TIMM17B: variants seen among roughly 807,000 people sequenced by gnomAD.
TIMM17B encodes mitochondrial import inner membrane translocase subunit Tim17-B.
In TIMM17B, 10 loss-of-function variants were observed where a neutral mutation model predicts 15.9. The ratio of observed to expected loss-of-function variants is 0.63; its 90% confidence interval spans 0.39 to 1.06. The LOEUF (loss-of-function observed/expected upper bound fraction) is 1.06, where lower values mean the gene tolerates loss of function less well. Ranked by LOEUF, TIMM17B falls within the 50% of genes least tolerant of loss-of-function variation. TIMM17B has a pLI of 0.01. For missense variants in TIMM17B, 114 were observed against 152.2 expected, an observed-to-expected ratio of 0.75 and a Z score of 1.32; for synonymous variants, 57 against 57.2, an observed-to-expected ratio of 1.00 and a Z score of 0.02.
exon 1 of TIMM17B, chrX:48,898,131 C>T (rs1212497295): frequency 8.9e-6 from 9 of 1,016,759 alleles, no homozygotes; most frequent in Non-Finnish European, 1.1e-5. Context: ...AAGTGCTGCC[C>T]TCTGCTCCCC....
intron 3 of TIMM17B, chrX:48,895,801 A>G (rs781783158): frequency 2.1e-4 from 49 of 231,279 alleles, no homozygotes; most frequent in Non-Finnish European, 3.4e-4. Flanking sequence ...CCGTCTGCCA[A>G]TTAAATTCCT....
Position 48,893,881 on chromosome X carries a change from C to G in TIMM17B, c.430+19G>C. 1 of 1,197,547 alleles carries G rather than the reference C, an allele frequency of 8.4e-7. No individual in the cohort carries two copies. The highest frequency in any genetic ancestry group is 1.1e-6 in the Non-Finnish European group (1 of 884,705). On this transcript the variant is annotated intron_variant, in intron 6 of 6. Coordinates refer to ENST00000376582, the Ensembl canonical transcript of TIMM17B. ...GCCAGGTGGAGTATTTCCCACTCCC[C>G]CGACCACCAGTTACTCACCATTTCG...
At chrX:48,897,627 T>G (rs1032430146) in intron 2 of TIMM17B, 97 bp downstream of exon 1, 1 of 696,576 alleles carries the variant, frequency 1.4e-6, no homozygotes. Flanking sequence ...CCGAGTCTGG[T>G]ACATGGCTCT....
intron 3 of TIMM17B, 179 bp downstream of exon 2, chrX:48,896,580 C>T (rs1408680649): frequency 9.2e-6 from 9 of 975,025 alleles, no homozygotes; most frequent in Middle Eastern, 4.1e-4. Context: ...AAGACAGAGG[C>T]CATGTTTGCA....
chrX:48,893,774 A>G, exon 7 of TIMM17B: 1 of 1,168,102 alleles, frequency 8.6e-7, no homozygotes, highest in African/African-American at 1.8e-5. Context: ...CCGGGGTGCC[A>G]TCCTTAGGGG....
At chrX:48,894,750 AC>A (rs1557039211) in intron 4 of TIMM17B, among the ~76,000 whole-genome samples, 1 of 111,687 alleles carries the variant, frequency 9.0e-6, no homozygotes, top group East Asian at 2.8e-4. Context: ...CTATAAAACT[AC>A]CGATGAAGTG....
At chrX:48,894,385 T>G (rs2063298129) in intron 4 of TIMM17B, among the ~76,000 whole-genome samples, 160 bp from the exon 4 acceptor site, 1 of 111,520 alleles carries the variant, frequency 9.0e-6, no homozygotes, top group South Asian at 3.7e-4. Context: ...TCTGTCCCCA[T>G]CCTGTGGTAG....
At chrX:48,894,188 G>A (rs1128363) in exon 5 of TIMM17B, 512,909 of 1,204,084 alleles carry the variant, frequency 0.43, 78,198 homozygotes, top group Middle Eastern at 0.47. Context: ...GGCCACAGTC[G>A]ATGGTGGAGA....
intron 2 of TIMM17B, chrX:48,897,239 C>T (rs1383161127): frequency 4.3e-6 from 1 of 230,053 alleles, no homozygotes; most frequent in African/African-American, 2.8e-5. Flanking sequence ...CCTTCTCCGA[C>T]GGTGAGCCCG....
chrX:48,893,749 T>C, exon 7 of TIMM17B: 1 of 1,161,328 alleles, frequency 8.6e-7, no homozygotes, highest in Non-Finnish European at 1.1e-6. Context: ...TGCTGATAGC[T>C]GGGGTAGCCT....
At chrX:48,897,852 C>T in intron 1 of TIMM17B, 84 bp from the exon 1 acceptor site, 3 of 1,091,883 alleles carry the variant, frequency 2.7e-6, no homozygotes, top group Non-Finnish European at 3.7e-6. Context: ...GGTCGCTATA[C>T]CGCATGTCAC....
At chrX:48,893,814 G>A (rs1557039061) in exon 7 of TIMM17B, 1 of 1,181,648 alleles carries the variant, frequency 8.5e-7, no homozygotes, top group Admixed American at 2.3e-5. Flanking sequence ...CAGGAATGGG[G>A]GCGCTGGAGA....
chrX:48,897,940 C>T, intron 1 of TIMM17B, 172 bp from the exon 1 acceptor site: 1 of 894,706 alleles, frequency 1.1e-6, no homozygotes, highest in Non-Finnish European at 1.5e-6. Context: ...CAGTTACTTT[C>T]AGGCTCGGGG....
At position 48,897,916 on chromosome X, in the gene TIMM17B, T is replaced by G. The variant is rs1400817584; in HGVS notation, c.-72-95A>C. ...GAGTTTCTGCCATTTGTTCATTGCC[T>G]CCTGAGCGTAGTCCAGTTACTTTCA... On this transcript the variant is annotated intron_variant, in intron 1 of 6. Coordinates refer to ENST00000376582, the Ensembl canonical transcript of TIMM17B. 5.6e-6 allele frequency: 5 copies of G among 898,343 alleles called. No homozygotes were observed. In the African/African-American group the frequency reaches 9.9e-5, roughly 18 times the overall value. 74.0% of individuals were successfully genotyped at this position (898,343 alleles called of 1,213,427 possible). A position where few individuals can be genotyped will look rare whatever the true frequency, so the allele number is the denominator to read the frequency against.
intron 3 of TIMM17B, 177 bp from the exon 3 acceptor site, chrX:48,895,278 C>T (rs1366892756): frequency 2.0e-6 from 1 of 493,363 alleles, no homozygotes; most frequent in Admixed American, 2.8e-5. Flanking sequence ...GTTCTCAGAG[C>T]TAGGTTGAGA....
Position 48,895,056 on chromosome X carries a change from G to A in TIMM17B, c.172C>T (p.Arg58Ter). 5 of 1,200,912 alleles carry A rather than the reference G, an allele frequency of 4.2e-6. No homozygotes were observed. The highest frequency in any genetic ancestry group is 5.6e-6 in the Non-Finnish European group (5 of 889,727). Residue 58 changes from arginine to a stop codon, truncating the protein, a stop_gained, in exon 4 of 7, where the codon CGA (arginine) becomes TGA (stop). Coordinates refer to ENST00000376582, the Ensembl canonical transcript of TIMM17B. LOFTEE classifies it high-confidence loss of function. ...CCCTCACCTCCAATCTGGGGGGCTCGGATCCTCACAGCATTGGCACTACCT... is the reference window on the plus strand; with the variant it reads ...CCCTCACCTCCAATCTGGGGGGCTCAGATCCTCACAGCATTGGCACTACCT...
intron 6 of TIMM17B, 31 bp from the exon 6 acceptor site, chrX:48,893,848 TG>T: frequency 8.5e-7 from 1 of 1,179,694 alleles, no homozygotes; most frequent in Non-Finnish European, 1.1e-6. Context: ...TAAGGATGAG[TG>T]GAAGAGGCCA....
intron 4 of TIMM17B, among the ~76,000 whole-genome samples, chrX:48,894,547 T>C (rs1230918030): frequency 4.5e-5 from 5 of 111,962 alleles, no homozygotes; most frequent in African/African-American, 1.6e-4. Context: ...AATTCTGATT[T>C]GGGTTTCAGT....
chrX:48,897,049 G>A (rs2063320432), intron 2 of TIMM17B, 191 bp from the exon 2 acceptor site: 12 of 928,156 alleles, frequency 1.3e-5, no homozygotes, highest in Non-Finnish European at 1.6e-5. Flanking sequence ...AGCGAGAAAT[G>A]GGGCAAAGGG....
Sources: allele counts gnomAD v4.1 joint callset (sites outside exome capture counted in the v4.1 genomes callset), GRCh38; gene constraint gnomAD v4.1.1; transcripts MANE v1.5; gene names NCBI Gene and HGNC (gene_info 2026-07-23, HGNC 2026-07-21).